STIM1: variants seen among roughly 807,000 people sequenced by gnomAD.
STIM1 encodes the protein stromal interaction molecule 1.
Under a neutral mutation model 74.7 loss-of-function variants are expected in STIM1, and 25 were observed. That is an observed-to-expected ratio of 0.33 (90% CI 0.24 to 0.47). STIM1 has a LOEUF of 0.47. STIM1 is among the 20% of genes least tolerant of loss of function. The pLI is 1.00. For synonymous variants in STIM1, 328 were observed against 348.8 expected (o/e 0.94, Z 0.66); for missense variants, 728 against 920.8 (o/e 0.79, Z 2.71).
chr11:3,904,380 G>A (rs2135450089), intron 1 of STIM1, among the ~76,000 whole-genome samples: 1 of 152,136 alleles, frequency 6.6e-6, no homozygotes, highest in South Asian at 2.1e-4. Flanking sequence ...TGAATGACGA[G>A]TTGTTCCCTG....
chr11:3,860,180 T>C (rs2090543610), intron 1 of STIM1, among the ~76,000 whole-genome samples: 1 of 152,236 alleles, frequency 6.6e-6, no homozygotes, highest in Non-Finnish European at 1.5e-5. Context: ...AACAGAGATC[T>C]AGTTAAAGCC....
At chr11:4,028,365 A>G (rs190529645) in intron 3 of STIM1, among the ~76,000 whole-genome samples, 1 of 151,496 alleles carries the variant, frequency 6.6e-6, no homozygotes, top group African/African-American at 2.4e-5. Flanking sequence ...TACAGGCGTG[A>G]GCCACTGTGC....
chr11:3,912,427 C>T (rs2092580288), intron 1 of STIM1, among the ~76,000 whole-genome samples: 1 of 151,008 alleles, frequency 6.6e-6, no homozygotes, highest in Non-Finnish European at 1.5e-5. Flanking sequence ...TGCAATGGTG[C>T]GATCTCAGCT....
chr11:3,857,816 C>T (rs928171269), intron 1 of STIM1, among the ~76,000 whole-genome samples: 2 of 152,072 alleles, frequency 1.3e-5, no homozygotes, highest in African/African-American at 4.8e-5. Flanking sequence ...TGGGCAATAC[C>T]CTTTTAAGTT....
intron 1 of STIM1, among the ~76,000 whole-genome samples, chr11:3,858,006 G>T (rs567312822): frequency 7.2e-5 from 11 of 152,304 alleles, no homozygotes; most frequent in African/African-American, 2.6e-4. Flanking sequence ...GCTATGAAGG[G>T]AAAGACTAGT....
At chr11:3,857,424 T>G (rs1324935349) in intron 1 of STIM1, among the ~76,000 whole-genome samples, 2 of 151,940 alleles carry the variant, frequency 1.3e-5, no homozygotes, top group East Asian at 3.9e-4. Flanking sequence ...CTAACTTTTT[T>G]TTTCTTTCTA....
In STIM1 at chr11:3,856,058, T is replaced by C. The variant is rs1411398291; in HGVS notation, c.-213T>C. On this transcript the variant is annotated 5_prime_UTR_variant, in exon 1 of 13. Coordinates refer to ENST00000526596, the MANE Select transcript of STIM1 (RefSeq NM_001382567.1). ...CGCCGCAGCCCCGGCGGACCCACTGTTGGACCTGAGGAGCCAGCCCTCCTC... is the reference window on the plus strand; with the variant it reads ...CGCCGCAGCCCCGGCGGACCCACTGCTGGACCTGAGGAGCCAGCCCTCCTC... 3 of 600,500 alleles carry C rather than the reference T, an allele frequency of 5.0e-6. No homozygotes were observed. Among genetic ancestry groups the C allele is most frequent in the Non-Finnish European group, 8.9e-6 (3 of 337,268 alleles). 37.2% of individuals were successfully genotyped at this position (600,500 alleles called of 1,614,324 possible).
rs149264475 is a variant in STIM1 at position 4,089,214 on chromosome 11, C to A, written c.1635-2068C>A. 30 of 166,040 alleles carry A rather than the reference C, an allele frequency of 1.8e-4. No individual in the cohort carries two copies. The East Asian group carries it at 4.7e-3, about 26-fold the overall frequency. 10.3% of individuals were successfully genotyped at this position (166,040 alleles called of 1,614,324 possible). ...CTCCAGCCTGGGCAACAGAGCAAGACCCTGTCAATAAATAAATAAATAAAA... is the reference window on the plus strand; with the variant it reads ...CTCCAGCCTGGGCAACAGAGCAAGAACCTGTCAATAAATAAATAAATAAAA... On this transcript the variant is annotated intron_variant, in intron 12 of 12. Coordinates refer to ENST00000526596, the MANE Select transcript of STIM1 (RefSeq NM_001382567.1).
intron 1 of STIM1, among the ~76,000 whole-genome samples, chr11:3,956,486 G>A (rs1163134939): frequency 1.3e-5 from 2 of 152,118 alleles, no homozygotes; most frequent in Admixed American, 6.5e-5. Context: ...TAGGTAGATA[G>A]GTTCTGTGGG....
chr11:3,894,152 T>A (rs1055422780), intron 1 of STIM1, among the ~76,000 whole-genome samples: 1 of 152,226 alleles, frequency 6.6e-6, no homozygotes, highest in African/African-American at 2.4e-5. Context: ...AGCTGTTCTC[T>A]AACAGCACCA....
intron 4 of STIM1, among the ~76,000 whole-genome samples, chr11:4,058,509 C>T (rs1462861320): frequency 6.6e-6 from 1 of 152,234 alleles, no homozygotes; most frequent in East Asian, 1.9e-4. Flanking sequence ...TAAGTGCTTA[C>T]TTGTGGGACC....
intron 3 of STIM1, among the ~76,000 whole-genome samples, chr11:4,053,280 A>C (rs2094258644): frequency 6.6e-6 from 1 of 152,226 alleles, no homozygotes; most frequent in African/African-American, 2.4e-5. Context: ...ACACATGCAC[A>C]CGTGTGTTTA....
rs559705110 is a variant in STIM1 at position 4,041,834 on chromosome 11, G to A, written c.386-13692G>A. 7.9e-5 allele frequency among the ~76,000 whole-genome samples: 12 copies of A among 152,246 alleles called. No individual in the cohort carries two copies. The South Asian group carries it at 2.1e-3, about 26-fold the overall frequency. On this transcript the variant is annotated intron_variant, in intron 3 of 12. Transcript: ENST00000526596. ...ACTCCTGGCCTCAAGTGATCCTCCT[G>A]CCTTGGCATCCCAAAGTATTAGGAT...
intron 2 of STIM1, among the ~76,000 whole-genome samples, chr11:4,006,099 GA>G (rs1363859459): frequency 6.6e-6 from 1 of 152,178 alleles, no homozygotes; most frequent in East Asian, 1.9e-4. Context: ...GGGCTGTTAG[GA>G]GTGATTGGAT....
chr11:4,024,839 G>A (rs147085334), intron 3 of STIM1, among the ~76,000 whole-genome samples: 6 of 152,162 alleles, frequency 3.9e-5, no homozygotes. Flanking sequence ...GAAAGAGCAT[G>A]TCTAATTGTG....
intron 1 of STIM1, among the ~76,000 whole-genome samples, chr11:3,907,585 C>A (rs1440269007): frequency 6.6e-6 from 1 of 152,224 alleles, no homozygotes. Context: ...TTTGCCCTTG[C>A]CTGTCTACAG....
At chr11:3,976,247 C>A (rs2093447480) in intron 2 of STIM1, among the ~76,000 whole-genome samples, 1 of 152,168 alleles carries the variant, frequency 6.6e-6, no homozygotes, top group Admixed American at 6.5e-5. Context: ...ATATGTGAAT[C>A]TCAGAGGCAT....
intron 2 of STIM1, chr11:3,973,784 GC>G: frequency 3.3e-6 from 1 of 306,642 alleles, no homozygotes; most frequent in South Asian, 5.0e-5. Flanking sequence ...TGTGCGCATG[GC>G]TCACTGTAGC....
rs55772228 is a variant in STIM1, at chr11:3,987,804, G to GACACACAC, written c.270+20154_270+20161dup. 2.3e-3 allele frequency among the ~76,000 whole-genome samples: 328 copies of GACACACAC among 145,388 alleles called. 1 individual carries two copies. The highest frequency in any genetic ancestry group is 0.011 in the East Asian group (52 of 4,930). On this transcript the variant is annotated intron_variant, in intron 2 of 12. Transcript: ENST00000526596. ...CTTAATAGGATATTTTGTCCTTAAG[G>GACACACAC]ACACACACACACACACACACACACA...
Sources: allele counts gnomAD v4.1 joint callset (sites outside exome capture counted in the v4.1 genomes callset), GRCh38; gene constraint gnomAD v4.1.1; transcripts MANE v1.5; gene names NCBI Gene and HGNC (gene_info 2026-07-23, HGNC 2026-07-21).